SGCZ: variants seen among roughly 807,000 people sequenced by gnomAD.
SGCZ encodes the protein sarcoglycan zeta, also known as zeta-sarcoglycan.
In SGCZ, 40 loss-of-function variants were observed where a neutral mutation model predicts 41.3. The ratio of observed to expected loss-of-function variants is 0.97; its 90% CI spans 0.75 to 1.26. The LOEUF (loss-of-function observed/expected upper bound fraction) is 1.26. Among genes scored for constraint, SGCZ ranks in the 50% most tolerant of loss-of-function variants. The probability of loss-of-function intolerance (pLI) is 0.00; values close to 1 mark genes in which losing one functional copy is unlikely to be tolerated. For missense variants in SGCZ, 552 were observed against 369.8 expected, an observed-to-expected ratio of 1.49 and a Z score of -4.04; for synonymous variants, 206 against 137.5, an observed-to-expected ratio of 1.50 and a Z score of -3.49.
chr8:14,916,096 C>T (rs1799428190), intron 1 of SGCZ, among the ~76,000 whole-genome samples: 1 of 152,068 alleles, frequency 6.6e-6, no homozygotes, highest in Non-Finnish European at 1.5e-5. Context: ...AACAGTAGTA[C>T]CACCTATATA....
chr8:14,198,429 T>C (rs1330852565), intron 4 of SGCZ, among the ~76,000 whole-genome samples: 1 of 152,074 alleles, frequency 6.6e-6, no homozygotes, highest in Non-Finnish European at 1.5e-5. Context: ...ACAATGGACA[T>C]TAGGGAATAT....
At chr8:14,480,803 G>C (rs1801515334) in intron 2 of SGCZ, among the ~76,000 whole-genome samples, 1 of 151,792 alleles carries the variant, frequency 6.6e-6, no homozygotes, top group African/African-American at 2.4e-5. Flanking sequence ...AACTGTTAAA[G>C]TTTCAAAGGT....
At position 15,187,307 on chromosome 8, in the gene SGCZ, A is replaced by G. The variant is rs79511687; in HGVS notation, c.39+50278T>C. Among the ~76,000 whole-genome samples, 27 of 152,240 alleles carry G rather than the reference A, an allele frequency of 1.8e-4. No individual in the cohort carries two copies. The East Asian group carries it at 5.0e-3, about 28-fold the overall frequency. On this transcript the variant is annotated intron_variant, in intron 1 of 7. Coordinates refer to ENST00000382080, the MANE Select transcript of SGCZ (RefSeq NM_139167.4). ...ATGGTTATATAATTCAAACGAAGAAACTCATGAATTTGCTTTAAGAATTGG... is the reference window on the plus strand; with the variant it reads ...ATGGTTATATAATTCAAACGAAGAAGCTCATGAATTTGCTTTAAGAATTGG...
In SGCZ at chr8:14,569,359, C is replaced by G. The variant is rs141493032; in HGVS notation, c.40-14433G>C. The stretch of plus-strand genomic sequence containing the variant: ...TCACATAGATCTCTTTGTGTGGGTC[C>G]TTACTGTTTCAGGATTTCTGTTATA... On this transcript the variant is annotated intron_variant, in intron 1 of 7. Transcript: ENST00000382080. Among the ~76,000 whole-genome samples, 6 of 152,192 alleles carry G rather than the reference C, an allele frequency of 3.9e-5. No homozygotes were observed. The East Asian group carries it at 1.2e-3, about 29-fold the overall frequency.
chr8:14,507,470 T>C (rs1585608638), intron 2 of SGCZ, among the ~76,000 whole-genome samples: 1 of 152,200 alleles, frequency 6.6e-6, no homozygotes, highest in East Asian at 1.9e-4. Flanking sequence ...TCAAAAATTC[T>C]CCAATATCTC....
intron 1 of SGCZ, among the ~76,000 whole-genome samples, chr8:14,852,196 T>C (rs960069890): frequency 1.3e-5 from 2 of 152,160 alleles, no homozygotes; most frequent in Admixed American, 1.3e-4. Context: ...AAGCGCAATA[T>C]TTTTTCAGTG....
At position 14,905,507 on chromosome 8, in the gene SGCZ, G is replaced by A. The variant is rs563698751; in HGVS notation, c.39+332078C>T. On this transcript the variant is annotated intron_variant, in intron 1 of 7. Transcript: ENST00000382080. ...GAAACTTGGAGAGCCAATGTGGACCGCCATCTCCAGTATTTGATAAAACTG... is the reference window on the plus strand; with the variant it reads ...GAAACTTGGAGAGCCAATGTGGACCACCATCTCCAGTATTTGATAAAACTG... Among the ~76,000 whole-genome samples, 96 of 152,098 alleles carry A rather than the reference G, an allele frequency of 6.3e-4. 3 individuals are homozygous for A. In the South Asian group the frequency reaches 0.018, roughly 29 times the overall value.
chr8:15,042,127 C>A (rs1804122227), intron 1 of SGCZ, among the ~76,000 whole-genome samples: 1 of 152,062 alleles, frequency 6.6e-6, no homozygotes, highest in Non-Finnish European at 1.5e-5. Context: ...ACTGTCTTTA[C>A]CAGCACATTC....
chr8:14,165,202 A>G (rs896211679), intron 4 of SGCZ: 2 of 152,452 alleles, frequency 1.3e-5, no homozygotes, highest in African/African-American at 2.4e-5. Context: ...TCTAATATTG[A>G]TGTTTTCTAC....
intron 1 of SGCZ, among the ~76,000 whole-genome samples, chr8:14,764,799 C>T (rs1241885565): frequency 6.6e-6 from 1 of 152,134 alleles, no homozygotes; most frequent in African/African-American, 2.4e-5. Flanking sequence ...GGCAATGCTA[C>T]ATATTGTTGA....
chr8:14,199,802 A>C (rs1294975330), intron 4 of SGCZ, among the ~76,000 whole-genome samples: 2 of 152,162 alleles, frequency 1.3e-5, no homozygotes, highest in Non-Finnish European at 2.9e-5. Context: ...CTTTTTAAAG[A>C]AAAAATGTGA....
intron 1 of SGCZ, among the ~76,000 whole-genome samples, chr8:14,735,441 T>C (rs1798998829): frequency 6.6e-6 from 1 of 152,180 alleles, no homozygotes; most frequent in Non-Finnish European, 1.5e-5. Flanking sequence ...CTTTCTCCCA[T>C]GCTGGATGCT....
chr8:14,705,507 T>A (rs1027310210), intron 1 of SGCZ, among the ~76,000 whole-genome samples: 1 of 151,978 alleles, frequency 6.6e-6, no homozygotes, highest in Non-Finnish European at 1.5e-5. Flanking sequence ...TATTACTGCA[T>A]TGCAAACCTT....
At chr8:14,407,796 G>C (rs1563309687) in intron 2 of SGCZ, among the ~76,000 whole-genome samples, 2 of 152,108 alleles carry the variant, frequency 1.3e-5, no homozygotes, top group South Asian at 2.1e-4. Context: ...AGGTCAAGCA[G>C]AGACTTTCAA....
chr8:14,412,397 G>C (rs1018752180), intron 2 of SGCZ, among the ~76,000 whole-genome samples: 1 of 151,956 alleles, frequency 6.6e-6, no homozygotes. Flanking sequence ...TAGATCACTG[G>C]GTATGCGTAC....
intron 1 of SGCZ, among the ~76,000 whole-genome samples, chr8:15,088,352 T>C (rs1563496853): frequency 6.6e-6 from 1 of 152,156 alleles, no homozygotes; most frequent in African/African-American, 2.4e-5. Context: ...TATTTAATTT[T>C]CTACTGTCCA....
intron 2 of SGCZ, among the ~76,000 whole-genome samples, chr8:14,434,425 G>C (rs138154201): frequency 6.6e-6 from 1 of 152,040 alleles, no homozygotes; most frequent in South Asian, 2.1e-4. Context: ...TGTTCTTTTT[G>C]TTTAGTCTTG....
chr8:14,258,391 C>G (rs554151102), intron 3 of SGCZ, among the ~76,000 whole-genome samples: 3 of 152,206 alleles, frequency 2.0e-5, no homozygotes, highest in African/African-American at 7.2e-5. Context: ...CGGGAATACT[C>G]TGACCTACTG....
chr8:14,238,282 G>A (rs1309722275), intron 3 of SGCZ, among the ~76,000 whole-genome samples: 1 of 152,252 alleles, frequency 6.6e-6, no homozygotes. Context: ...TGACAGCTGT[G>A]TCTATGCAGT....
Sources: allele counts gnomAD v4.1 joint callset (sites outside exome capture counted in the v4.1 genomes callset), GRCh38; gene constraint gnomAD v4.1.1; transcripts MANE v1.5; gene names NCBI Gene and HGNC (gene_info 2026-07-23, HGNC 2026-07-21).